Variants in ALOX5 observed in about 807,000 individuals in gnomAD.
ALOX5 encodes the protein arachidonate 5-lipoxygenase.
A neutral mutation model predicts 87.9 loss-of-function variants in ALOX5; 64 were observed. The ratio of observed to expected loss-of-function variants is 0.73; its 90% CI spans 0.60 to 0.90. The LOEUF (loss-of-function observed/expected upper bound fraction) is 0.90, where lower values mean the gene tolerates loss of function less well. ALOX5 is among the 40% of genes least tolerant of loss of function. The pLI, the probability that ALOX5 is intolerant of heterozygous loss-of-function variation, is 0.00. For missense variants in ALOX5, 822 were observed against 907.5 expected (o/e 0.91, Z 1.21); for synonymous variants, 388 against 355.1 (o/e 1.09, Z -1.04).
intron 1 of ALOX5, among the ~76,000 whole-genome samples, chr10:45,378,719 C>T (rs191883449): frequency 6.0e-4 from 92 of 152,294 alleles, no homozygotes; most frequent in Non-Finnish European, 2.1e-4. Flanking sequence ...GATGTTAGAA[C>T]CACAGCCATC....
In ALOX5 at chr10:45,443,045, C is replaced by A. The variant is rs776198562; in HGVS notation, c.1280C>A (p.Ala427Asp). The A allele has an allele frequency of 1.2e-6, 2 of 1,612,262 alleles. No individual in the cohort carries two copies. Among genetic ancestry groups the A allele is most frequent in the Non-Finnish European group, 1.7e-6 (2 of 1,179,264 alleles). The part of the protein sequence containing the change: ...CECGLFDKAN[A>D]TGGGGHVQMV... ...CTCTACCTCCCACTCCAGGCCAACG[C>A]CACAGGGGGCGGTGGGCACGTGCAG... is the stretch of plus-strand genomic sequence containing the variant. The change falls in exon 10 of 14, where the codon GCC becomes GAC. Residue 427 changes from alanine to aspartate, a missense_variant. Coordinates refer to ENST00000374391, the MANE Select transcript of ALOX5 (RefSeq NM_000698.5).
At chr10:45,420,806 C>T (rs1841475509) in intron 4 of ALOX5, among the ~76,000 whole-genome samples, 1 of 152,250 alleles carries the variant, frequency 6.6e-6, no homozygotes, top group South Asian at 2.1e-4. Context: ...AAGGAAAGAG[C>T]AGGGAGACAG....
chr10:45,375,982 A>C (rs1167586612), intron 1 of ALOX5, among the ~76,000 whole-genome samples: 1 of 152,234 alleles, frequency 6.6e-6, no homozygotes. Context: ...GACAGGGTAC[A>C]GGCTACTTCC....
intron 6 of ALOX5, among the ~76,000 whole-genome samples, chr10:45,427,145 GAA>G (rs1841736462): frequency 1.3e-5 from 2 of 152,212 alleles, no homozygotes; most frequent in African/African-American, 4.8e-5. Flanking sequence ...GGATAACAGA[GAA>G]ATGCTGCAGG....
chr10:45,420,745 C>T (rs1841472612), intron 4 of ALOX5, among the ~76,000 whole-genome samples: 1 of 152,286 alleles, frequency 6.6e-6, no homozygotes, highest in Non-Finnish European at 1.5e-5. Flanking sequence ...GGCTTTGCTC[C>T]TGCCCTGCAC....
chr10:45,424,233 GCCTTCCTGCCTGCT>G, intron 5 of ALOX5, 86 bp downstream of exon 5: 1 of 1,162,358 alleles, frequency 8.6e-7, no homozygotes, highest in Non-Finnish European at 1.3e-6. Context: ...ATTGACAAGG[GCCTTCCTGCCTGCT>G]GCAGCATGGG....
At position 45,445,802 on chromosome 10, in the gene ALOX5, C is replaced by A; in HGVS notation, c.*115C>A. ...GCAGTCACATCTCTTCCTCCGAGGC[C>A]AGTACCTTTCCATTTATTCTTTGAT... On this transcript the variant is annotated 3_prime_UTR_variant, in exon 14 of 14. Transcript: ENST00000374391. The A allele has an allele frequency of 1.8e-6, 2 of 1,130,296 alleles. No individual in the cohort carries two copies. The highest frequency in any genetic ancestry group is 2.5e-6 in the Non-Finnish European group (2 of 787,978). 70.0% of individuals were successfully genotyped at this position (1,130,296 alleles called of 1,614,324 possible).
intron 6 of ALOX5, chr10:45,428,295 AT>A: frequency 2.5e-6 from 1 of 395,968 alleles, no homozygotes; most frequent in Non-Finnish European, 4.6e-6. Flanking sequence ...CGTCACATCT[AT>A]TTCACCTAAC....
intron 4 of ALOX5, among the ~76,000 whole-genome samples, chr10:45,413,119 G>A (rs561401242): frequency 5.9e-5 from 9 of 152,250 alleles, no homozygotes; most frequent in African/African-American, 2.2e-4. Flanking sequence ...CGATACCAAA[G>A]CCTGGCAGAC....
intron 3 of ALOX5, among the ~76,000 whole-genome samples, chr10:45,405,944 C>T (rs940301593): frequency 6.6e-6 from 1 of 152,230 alleles, no homozygotes; most frequent in South Asian, 2.1e-4. Flanking sequence ...GGAACTCTCC[C>T]GGTAGCATTC....
At chr10:45,385,036 A>G (rs1051057953) in intron 2 of ALOX5, among the ~76,000 whole-genome samples, 7 of 151,986 alleles carry the variant, frequency 4.6e-5, no homozygotes, top group African/African-American at 1.5e-4. Flanking sequence ...TACTAGAGAA[A>G]GGGTTTTGCC....
intron 4 of ALOX5, among the ~76,000 whole-genome samples, chr10:45,422,504 C>G (rs1841537695): frequency 6.6e-6 from 1 of 152,194 alleles, no homozygotes; most frequent in African/African-American, 2.4e-5. Flanking sequence ...TCCCCTGCAC[C>G]AGGTGAGGTC....
intron 13 of ALOX5, 60 bp from the exon 14 acceptor site, chr10:45,445,448 C>G (rs1199580601): frequency 6.4e-7 from 1 of 1,566,876 alleles, no homozygotes; most frequent in Admixed American, 1.7e-5. Context: ...ATGAGACAGG[C>G]CTGTCAGTTT....
At chr10:45,439,936 G>A (rs1470551080) in intron 7 of ALOX5, among the ~76,000 whole-genome samples, 1 of 152,152 alleles carries the variant, frequency 6.6e-6, no homozygotes, top group African/African-American at 2.4e-5. Flanking sequence ...AACAGGAGGA[G>A]CTGACTTAGG....
intron 1 of ALOX5, among the ~76,000 whole-genome samples, chr10:45,382,051 G>A (rs1467118684): frequency 6.6e-6 from 1 of 152,196 alleles, no homozygotes; most frequent in African/African-American, 2.4e-5. Flanking sequence ...AAAAGATGAA[G>A]ACCCCAAGAA....
At chr10:45,383,210 A>G (rs1168130551) in intron 2 of ALOX5, among the ~76,000 whole-genome samples, 1 of 152,252 alleles carries the variant, frequency 6.6e-6, no homozygotes, top group Admixed American at 6.5e-5. Context: ...CAGTTCTTCA[A>G]CCCGAAGTCT....
At chr10:45,443,979 C>T (rs893179690) in intron 12 of ALOX5, 137 bp from the exon 13 acceptor site, 16 of 1,429,512 alleles carry the variant, frequency 1.1e-5, no homozygotes, top group East Asian at 7.6e-5. Flanking sequence ...CAGCCAAGGG[C>T]GCTGGCCGCG....
chr10:45,407,919 G>C (rs11239520), intron 3 of ALOX5, among the ~76,000 whole-genome samples: 1 of 152,074 alleles, frequency 6.6e-6, no homozygotes, highest in Non-Finnish European at 1.5e-5. Context: ...GAACCAAAAG[G>C]GGGAGGCAGG....
At chr10:45,374,564 T>C in intron 1 of ALOX5, 135 bp downstream of exon 1, 3 of 863,624 alleles carry the variant, frequency 3.5e-6, no homozygotes, top group Non-Finnish European at 4.7e-6. Flanking sequence ...TCCAGGACCC[T>C]GTCAGGGAGG....
Sources: allele counts gnomAD v4.1 joint callset (sites outside exome capture counted in the v4.1 genomes callset), GRCh38; gene constraint gnomAD v4.1.1; transcripts MANE v1.5; gene names NCBI Gene and HGNC (gene_info 2026-07-23, HGNC 2026-07-21).